The following SND1 variants were observed in gnomAD, a reference collection of about 807,000 sequenced individuals.
SND1 encodes the protein staphylococcal nuclease and tudor domain containing 1.
A neutral mutation model predicts 121.7 loss-of-function variants in SND1; 38 were observed. The ratio of observed to expected loss-of-function variants is 0.31; its 90% CI spans 0.24 to 0.41. SND1 has a LOEUF of 0.41. SND1 is among the 10% of genes least tolerant of loss of function. The pLI, the probability that SND1 is intolerant of heterozygous loss-of-function variation, is 1.00. For synonymous variants in SND1, 401 were observed against 447.4 expected, an observed-to-expected ratio of 0.90 and a Z score of 1.31; for missense variants, 868 against 1,184.6, an observed-to-expected ratio of 0.73 and a Z score of 3.92.
At position 127,652,316 on chromosome 7, in the gene SND1, C is replaced by T. The variant is rs1298032599; in HGVS notation, c.-58C>T. ...ACTCCCTTTCACCAACACCGACACC[C>T]ACATTGACACCTCCAGTCCGGCCAG... On this transcript the variant is annotated 5_prime_UTR_variant, in exon 1 of 24. Transcript: ENST00000354725. The T allele has an allele frequency of 7.1e-6, 10 of 1,416,376 alleles. No homozygotes were observed. The highest frequency in any genetic ancestry group is 9.8e-6 in the Non-Finnish European group (10 of 1,022,052). 87.7% of individuals were successfully genotyped at this position (1,416,376 alleles called of 1,614,324 possible).
chr7:127,837,172 T>C (rs184307339), intron 11 of SND1, among the ~76,000 whole-genome samples: 1 of 152,186 alleles, frequency 6.6e-6, no homozygotes, highest in East Asian at 1.9e-4. Flanking sequence ...CAGAGAGAAA[T>C]CAGAACCACA....
intron 16 of SND1, among the ~76,000 whole-genome samples, chr7:128,069,465 G>A (rs1030146348): frequency 7.2e-5 from 11 of 152,172 alleles, no homozygotes; most frequent in African/African-American, 2.7e-4. Flanking sequence ...GCTAGGACTG[G>A]GAGTTGATAT....
intron 12 of SND1, among the ~76,000 whole-genome samples, chr7:127,848,091 G>C (rs950230132): frequency 1.3e-5 from 2 of 152,144 alleles, no homozygotes; most frequent in African/African-American, 4.8e-5. Flanking sequence ...GGAAACATTG[G>C]TTCTGAGTGT....
At chr7:127,656,348 A>C (rs963382699) in intron 1 of SND1, among the ~76,000 whole-genome samples, 2 of 136,722 alleles carry the variant, frequency 1.5e-5, no homozygotes, top group African/African-American at 5.6e-5. Flanking sequence ...TTTAAGATGG[A>C]GTCTCGCTTT....
At chr7:127,680,944 A>G (rs1795714207) in intron 1 of SND1, among the ~76,000 whole-genome samples, 1 of 152,174 alleles carries the variant, frequency 6.6e-6, no homozygotes. Context: ...ATAAATGTCC[A>G]TGAAATCTTC....
At chr7:127,985,170 G>A (rs964379428) in intron 15 of SND1, among the ~76,000 whole-genome samples, 6 of 152,216 alleles carry the variant, frequency 3.9e-5, no homozygotes, top group Non-Finnish European at 8.8e-5. Flanking sequence ...AGAGAACAGA[G>A]GTCATGTGCT....
chr7:128,031,725 G>A (rs1792611221), intron 16 of SND1: 1 of 143,864 alleles, frequency 7.0e-6, no homozygotes, highest in Non-Finnish European at 1.5e-5. Context: ...CCGGGGGCGG[G>A]CGCGGGTCCG....
At chr7:127,735,736 C>G (rs1318690918) in intron 10 of SND1, among the ~76,000 whole-genome samples, 1 of 152,146 alleles carries the variant, frequency 6.6e-6, no homozygotes, top group South Asian at 2.1e-4. Flanking sequence ...AAGTGATTCT[C>G]GTGCCTCAGC....
At chr7:127,769,480 A>G (rs1006117724) in intron 10 of SND1, among the ~76,000 whole-genome samples, 4 of 152,020 alleles carry the variant, frequency 2.6e-5, no homozygotes, top group African/African-American at 7.3e-5. Flanking sequence ...TTAAATTGCT[A>G]TTTCTCTCTA....
intron 16 of SND1, among the ~76,000 whole-genome samples, chr7:128,042,968 C>T (rs1028759408): frequency 8.5e-5 from 13 of 152,340 alleles, no homozygotes; most frequent in African/African-American, 3.1e-4. Flanking sequence ...TCATTAAGTA[C>T]TCTTTTCTGT....
intron 16 of SND1, among the ~76,000 whole-genome samples, chr7:128,022,930 T>C (rs1803391486): frequency 6.6e-6 from 1 of 152,096 alleles, no homozygotes; most frequent in African/African-American, 2.4e-5. Context: ...CCTGTGATCA[T>C]CCTAAAATCT....
chr7:127,660,327 C>A (rs919786975), intron 1 of SND1, among the ~76,000 whole-genome samples: 10 of 152,126 alleles, frequency 6.6e-5, no homozygotes, highest in African/African-American at 2.4e-4. Context: ...AGAGAGGAGG[C>A]AACTTAGGGA....
chr7:127,839,089 C>G (rs953840916), intron 11 of SND1, among the ~76,000 whole-genome samples: 1 of 152,190 alleles, frequency 6.6e-6, no homozygotes. Flanking sequence ...CCTGGCTGTT[C>G]TGAAGTGTCC....
At chr7:127,695,043 A>T in intron 3 of SND1, 95 bp downstream of exon 3, 4 of 1,460,856 alleles carry the variant, frequency 2.7e-6, no homozygotes, top group Non-Finnish European at 3.7e-6. Flanking sequence ...GTTCTGGTGG[A>T]GGAAGCTCTA....
intron 13 of SND1, among the ~76,000 whole-genome samples, chr7:127,900,348 C>A (rs1472666975): frequency 6.6e-6 from 1 of 152,144 alleles, no homozygotes; most frequent in Middle Eastern, 3.2e-3. Flanking sequence ...AAGATGGAGG[C>A]CTGTTTGTTG....
At chr7:128,048,572 C>T (rs552338669) in intron 16 of SND1, among the ~76,000 whole-genome samples, 5 of 152,206 alleles carry the variant, frequency 3.3e-5, no homozygotes, top group African/African-American at 1.2e-4. Flanking sequence ...GGGAAAAACA[C>T]GCAGCCTGTT....
intron 16 of SND1, among the ~76,000 whole-genome samples, chr7:128,073,261 T>G (rs915290733): frequency 6.6e-6 from 1 of 152,216 alleles, no homozygotes; most frequent in Non-Finnish European, 1.5e-5. Context: ...CTATATGTTC[T>G]CCATTATCTC....
At chr7:127,747,071 A>C (rs1039369895) in intron 10 of SND1, among the ~76,000 whole-genome samples, 2 of 152,152 alleles carry the variant, frequency 1.3e-5, no homozygotes, top group African/African-American at 4.8e-5. Context: ...AGCATGCATG[A>C]GATGTTTTGC....
intron 11 of SND1, among the ~76,000 whole-genome samples, chr7:127,837,881 T>C (rs1798894726): frequency 6.6e-6 from 1 of 152,192 alleles, no homozygotes; most frequent in Non-Finnish European, 1.5e-5. Flanking sequence ...TAAATTTAAT[T>C]TTCTCAGCAA....
Sources: gnomAD v4.1 joint callset for allele counts (sites outside exome capture counted in the v4.1 genomes callset) on GRCh38, gnomAD v4.1.1 for gene constraint, MANE v1.5 for transcripts, NCBI Gene and HGNC (gene_info 2026-07-23, HGNC 2026-07-21) for gene names.